Variants in FUT8 observed in about 807,000 individuals in gnomAD.
The protein encoded by FUT8 is fucosyltransferase 8, also known as alpha-(1,6)-fucosyltransferase.
Under a neutral mutation model 71.3 loss-of-function variants are expected in FUT8, and 29 were observed. That is an observed-to-expected ratio of 0.41 (90% CI 0.30 to 0.55). The LOEUF (loss-of-function observed/expected upper bound fraction) is 0.55, where lower values mean the gene tolerates loss of function less well. Among genes scored for constraint, FUT8 ranks in the 20% least tolerant of loss-of-function variants. The pLI is 0.34. For synonymous variants in FUT8, 254 were observed against 239.3 expected (o/e 1.06, Z -0.57); for missense variants, 544 against 702.1 (o/e 0.77, Z 2.55).
chr14:65,390,326 A>G, the FUT8 span, among the ~76,000 whole-genome samples: 2 of 150,826 alleles, frequency 1.3e-5, no homozygotes, highest in South Asian at 4.2e-4. Context: ...CGTCTCAAAA[A>G]AAAAAAAAAA....
In FUT8 at chr14:65,597,567, G is replaced by C. The variant is rs1888054936; in HGVS notation, c.204-18411G>C. ...GAACCCGGGAGGCGGAGTTTGCAGT[G>C]AGCCGAGATCGCACCACTGCACTCC... On this transcript the variant is annotated intron_variant, in intron 3 of 10. Transcript: ENST00000673929. 2.0e-5 allele frequency among the ~76,000 whole-genome samples: 3 copies of C among 151,730 alleles called. No individual in the cohort carries two copies. The South Asian group carries it at 6.2e-4, about 32-fold the overall frequency.
At chr14:65,700,844 A>G (rs1594914356) in intron 7 of FUT8, among the ~76,000 whole-genome samples, 6 of 152,112 alleles carry the variant, frequency 3.9e-5, no homozygotes, top group Admixed American at 3.9e-4. Flanking sequence ...GAATCATCCT[A>G]TTGTCATTTG....
chr14:65,597,768 T>C (rs1003739388), intron 3 of FUT8, among the ~76,000 whole-genome samples: 1 of 152,172 alleles, frequency 6.6e-6, no homozygotes, highest in Non-Finnish European at 1.5e-5. Flanking sequence ...TTGAGGACAG[T>C]AGCTCTAGTA....
At chr14:65,635,976 T>G (rs1179984561) in intron 6 of FUT8, among the ~76,000 whole-genome samples, 2 of 152,170 alleles carry the variant, frequency 1.3e-5, no homozygotes, top group Non-Finnish European at 2.9e-5. Flanking sequence ...TGGACTTTTT[T>G]TTTTTGTTGG....
chr14:65,368,814 G>A, the FUT8 span, among the ~76,000 whole-genome samples: 1 of 151,910 alleles, frequency 6.6e-6, no homozygotes, highest in African/African-American at 2.4e-5. Flanking sequence ...GAGCCACCGC[G>A]CCCGGCCTAT....
At chr14:65,468,795 C>T (rs1265490336) in intron 2 of FUT8, among the ~76,000 whole-genome samples, 1 of 151,900 alleles carries the variant, frequency 6.6e-6, no homozygotes, top group African/African-American at 2.4e-5. Context: ...TTTTCCTTCT[C>T]TTTACTCTTC....
rs1594674623 is a variant in FUT8, at chr14:65,475,586, A to T, written c.-228+19868A>T. Among the ~76,000 whole-genome samples the T allele has an allele frequency of 3.9e-5, 6 of 152,120 alleles. No homozygotes were observed. In the East Asian group the frequency reaches 5.8e-4, roughly 15 times the overall value. ...AGACCCTGTCTCTACCAAAAAATTT[A>T]AAAAAATTAGCCAAGCATGGTGGTG... On this transcript the variant is annotated intron_variant, in intron 2 of 10. Transcript: ENST00000673929.
intron 3 of FUT8, among the ~76,000 whole-genome samples, chr14:65,615,603 T>C (rs1273237315): frequency 9.9e-5 from 15 of 152,202 alleles, no homozygotes; most frequent in Non-Finnish European, 1.5e-5. Flanking sequence ...GTTATTCCCT[T>C]TAAGCCTTTT....
intron 1 of FUT8, among the ~76,000 whole-genome samples, chr14:65,445,486 G>T (rs1420413432): frequency 6.6e-6 from 1 of 152,196 alleles, no homozygotes; most frequent in Non-Finnish European, 1.5e-5. Context: ...ACTATGGAGA[G>T]ACAGCATGAG....
chr14:65,492,043 T>C (rs2066489818), intron 2 of FUT8, among the ~76,000 whole-genome samples: 1 of 152,158 alleles, frequency 6.6e-6, no homozygotes, highest in African/African-American at 2.4e-5. Flanking sequence ...ATGAATAATT[T>C]TGAATTAGTT....
chr14:65,692,379 C>G (rs1276698221), intron 7 of FUT8, among the ~76,000 whole-genome samples: 1 of 146,484 alleles, frequency 6.8e-6, no homozygotes, highest in Non-Finnish European at 1.5e-5. Context: ...ACCTCCCTCC[C>G]GGACGGGGCG....
At chr14:65,705,575 A>G (rs559625547) in intron 7 of FUT8, among the ~76,000 whole-genome samples, 22 of 152,344 alleles carry the variant, frequency 1.4e-4, no homozygotes, top group Non-Finnish European at 2.2e-4. Context: ...TCGGAGTCAT[A>G]CTTGGCAATA....
chr14:65,543,051 G>T (rs532956579), intron 2 of FUT8, among the ~76,000 whole-genome samples: 8 of 152,200 alleles, frequency 5.3e-5, no homozygotes, highest in South Asian at 2.1e-4. Context: ...CAAAGTGCTG[G>T]GATTACAGGC....
chr14:65,698,061 T>C (rs1210031972), intron 7 of FUT8, among the ~76,000 whole-genome samples: 3 of 152,146 alleles, frequency 2.0e-5, no homozygotes, highest in African/African-American at 7.2e-5. Context: ...ACTTCTGTTA[T>C]TATAATGTGT....
At chr14:65,446,347 A>T (rs995720232) in intron 1 of FUT8, among the ~76,000 whole-genome samples, 5 of 152,132 alleles carry the variant, frequency 3.3e-5, no homozygotes, top group African/African-American at 1.2e-4. Context: ...ATTAGGTGTG[A>T]TCCCTTTGGC....
chr14:65,605,606 C>G (rs1888541456), intron 3 of FUT8, among the ~76,000 whole-genome samples: 1 of 151,960 alleles, frequency 6.6e-6, no homozygotes, highest in Non-Finnish European at 1.5e-5. Flanking sequence ...CAGAAGAAAC[C>G]AAACCTGCTG....
chr14:65,435,433 A>G (rs1267995920), intron 1 of FUT8, among the ~76,000 whole-genome samples: 2 of 152,220 alleles, frequency 1.3e-5, no homozygotes, highest in Non-Finnish European at 2.9e-5. Context: ...TGCGTGTATC[A>G]ATAGTTCGTT....
intron 7 of FUT8, among the ~76,000 whole-genome samples, chr14:65,719,495 G>A (rs778629224): frequency 3.9e-5 from 6 of 151,998 alleles, no homozygotes; most frequent in Non-Finnish European, 2.9e-5. Flanking sequence ...ATGTTTTCCT[G>A]GATGGTCTTG....
At chr14:65,367,790 T>C in the FUT8 span, among the ~76,000 whole-genome samples, 2 of 152,112 alleles carry the variant, frequency 1.3e-5, no homozygotes, top group African/African-American at 4.8e-5. Flanking sequence ...ACCCACCAAA[T>C]CCTGCAAATT....
Sources: allele counts gnomAD v4.1 joint callset (sites outside exome capture counted in the v4.1 genomes callset), GRCh38; gene constraint gnomAD v4.1.1; transcripts MANE v1.5; gene names NCBI Gene and HGNC (gene_info 2026-07-23, HGNC 2026-07-21).